TMC2: variants seen among roughly 807,000 people sequenced by gnomAD.
The protein encoded by TMC2 is transmembrane channel like 2.
A neutral mutation model predicts 105.9 loss-of-function variants in TMC2; 102 were observed. That is an observed-to-expected ratio of 0.96 (90% CI 0.82 to 1.14). The LOEUF (loss-of-function observed/expected upper bound fraction) is 1.14, where lower values mean the gene tolerates loss of function less well. Among genes scored for constraint, TMC2 ranks in the 50% most tolerant of loss-of-function variants. The pLI, the probability that TMC2 is intolerant of heterozygous loss-of-function variation, is 0.00. For missense variants in TMC2, 1,093 were observed against 1,134.3 expected, an observed-to-expected ratio of 0.96 and a Z score of 0.52; for synonymous variants, 402 against 422.8, an observed-to-expected ratio of 0.95 and a Z score of 0.60.
intron 9 of TMC2, among the ~76,000 whole-genome samples, chr20:2,595,765 A>AGTGT (rs10657145): frequency 0.55 from 83,879 of 151,440 alleles, 23,310 homozygotes; most frequent in East Asian, 0.67. Context: ...CTCCCAGAAG[A>AGTGT]GGGTGGCTGT....
intron 8 of TMC2, among the ~76,000 whole-genome samples, chr20:2,593,589 G>A (rs903641512): frequency 3.3e-5 from 5 of 152,156 alleles, no homozygotes; most frequent in African/African-American, 1.2e-4. Context: ...TGAAAAACCA[G>A]TTCTTTAATC....
chr20:2,635,402 T>C (rs1291676498), intron 17 of TMC2, among the ~76,000 whole-genome samples: 1 of 152,180 alleles, frequency 6.6e-6, no homozygotes, highest in African/African-American at 2.4e-5. Context: ...TGGTTTCCAA[T>C]GTGGGCTGCA....
chr20:2,584,166 C>A (rs1423374937), intron 7 of TMC2, among the ~76,000 whole-genome samples: 1 of 152,012 alleles, frequency 6.6e-6, no homozygotes, highest in African/African-American at 2.4e-5. Context: ...ATAATGAGGC[C>A]GGGCGCGGTG....
Position 2,624,350 on chromosome 20 carries a change from T to C in TMC2, c.2260T>C (p.Phe754Leu). 6.2e-7 allele frequency: 1 copy of C among 1,614,178 alleles called. No homozygotes were observed. Among genetic ancestry groups the C allele is most frequent in the South Asian group, 1.1e-5 (1 of 91,080 alleles). The change falls in exon 17 of 20, where the codon TTC becomes CTC. Residue 754 changes from phenylalanine to leucine, a missense_variant. Phe to Leu is a conservative substitution (Grantham distance 22). Transcript: ENST00000358864. ...AACCTTCCTGGGCAAGATCTTTGCT[T>C]TCCTCGCCAATCCAGGCCTGATCAT... ...FPTFLGKIFA[F>L]LANPGLIIPA... is the part of the protein sequence containing the mutation.
At chr20:2,560,214 T>G (rs933511182) in intron 3 of TMC2, among the ~76,000 whole-genome samples, 6 of 151,650 alleles carry the variant, frequency 4.0e-5, no homozygotes, top group Middle Eastern at 3.4e-3. Flanking sequence ...GGGAACACCC[T>G]ACGCAGAGAC....
intron 4 of TMC2, among the ~76,000 whole-genome samples, chr20:2,567,796 T>C (rs1268217335): frequency 6.6e-6 from 1 of 151,992 alleles, no homozygotes; most frequent in Non-Finnish European, 1.5e-5. Flanking sequence ...ATAGAAGCTA[T>C]AAAGAGGAAC....
intron 10 of TMC2, among the ~76,000 whole-genome samples, chr20:2,600,542 G>C (rs2086342641): frequency 6.6e-6 from 1 of 152,132 alleles, no homozygotes; most frequent in Non-Finnish European, 1.5e-5. Context: ...GCCGGGTGTG[G>C]CTGGGTGTGG....
At chr20:2,550,730 A>G (rs1350286389) in intron 2 of TMC2, among the ~76,000 whole-genome samples, 1 of 152,206 alleles carries the variant, frequency 6.6e-6, no homozygotes, top group Non-Finnish European at 1.5e-5. Flanking sequence ...TATAGTTACA[A>G]TCATACAGCA....
At chr20:2,536,981 A>G (rs1390881893) in intron 1 of TMC2, among the ~76,000 whole-genome samples, 1 of 151,474 alleles carries the variant, frequency 6.6e-6, no homozygotes, top group Non-Finnish European at 1.5e-5. Context: ...TCAGCCACCT[A>G]TTGTCTCGGT....
intron 7 of TMC2, among the ~76,000 whole-genome samples, chr20:2,589,150 C>T (rs2422800): frequency 0.12 from 17,820 of 152,002 alleles, 1,290 homozygotes; most frequent in African/African-American, 0.19. Flanking sequence ...TTTACTTATT[C>T]CTCTGGTGGG....
At chr20:2,636,893 G>A (rs1349636959) in intron 18 of TMC2, among the ~76,000 whole-genome samples, 1 of 152,104 alleles carries the variant, frequency 6.6e-6, no homozygotes, top group African/African-American at 2.4e-5. Context: ...TTATAGGCGT[G>A]AGCCACCGTG....
rs752106637 is a variant in TMC2 at position 2,594,968 on chromosome 20, G to A, written c.1076+1G>A. 9.9e-6 allele frequency: 16 copies of A among 1,612,720 alleles called. No homozygotes were observed. Among genetic ancestry groups the A allele is most frequent in the East Asian group, 8.9e-5 (4 of 44,880 alleles). On this transcript the variant is annotated splice_donor_variant, in intron 9 of 19. Coordinates refer to ENST00000358864, the MANE Select transcript of TMC2 (RefSeq NM_080751.3). LOFTEE classifies it high-confidence loss of function. ...ACAGCCTGATTATTGTCATTCGATC[G>A]TAAGTATGACCGTCTCATCCGCAGG...
intron 7 of TMC2, among the ~76,000 whole-genome samples, chr20:2,586,821 TA>T (rs2086235096): frequency 6.6e-6 from 1 of 152,226 alleles, no homozygotes; most frequent in Admixed American, 6.5e-5. Flanking sequence ...CACTCATTTA[TA>T]AATTTTCCTC....
intron 16 of TMC2, among the ~76,000 whole-genome samples, chr20:2,620,924 A>AACACTCCAT (rs1419631700): frequency 3.3e-5 from 5 of 152,112 alleles, no homozygotes; most frequent in African/African-American, 1.2e-4. Flanking sequence ...CCTTTTGGTA[A>AACACTCCAT]TGGAGTGTTT....
chr20:2,594,795 C>A, intron 8 of TMC2, 30 bp from the exon 9 acceptor site: 1 of 1,610,672 alleles, frequency 6.2e-7, no homozygotes, highest in Non-Finnish European at 8.5e-7. Flanking sequence ...AGCTTACCAA[C>A]CCAGAGCATT....
intron 2 of TMC2, among the ~76,000 whole-genome samples, chr20:2,554,522 T>C (rs2085975004): frequency 6.6e-6 from 1 of 152,228 alleles, no homozygotes; most frequent in African/African-American, 2.4e-5. Flanking sequence ...TTTTCTACAG[T>C]AGAAGCTTGG....
intron 18 of TMC2, among the ~76,000 whole-genome samples, chr20:2,636,647 T>TG (rs2086647675): frequency 6.6e-6 from 1 of 151,704 alleles, no homozygotes; most frequent in Non-Finnish European, 1.5e-5. Context: ...TGTTTTAAGA[T>TG]GGAGTCTCGC....
intron 17 of TMC2, among the ~76,000 whole-genome samples, chr20:2,630,850 T>TA (rs2146265113): frequency 6.6e-6 from 1 of 152,276 alleles, no homozygotes; most frequent in Non-Finnish European, 1.5e-5. Flanking sequence ...TAAAATATAG[T>TA]GTGCTTCTTT....
At chr20:2,595,084 C>T in intron 9 of TMC2, 117 bp downstream of exon 9, 1 of 1,169,916 alleles carries the variant, frequency 8.5e-7, no homozygotes, top group Non-Finnish European at 1.2e-6. Context: ...AGGAAATGAG[C>T]ACAGAAAGCA....
Sources: allele counts gnomAD v4.1 joint callset (sites outside exome capture counted in the v4.1 genomes callset), GRCh38; gene constraint gnomAD v4.1.1; transcripts MANE v1.5; gene names NCBI Gene and HGNC (gene_info 2026-07-23, HGNC 2026-07-21).